The following ZCCHC7 variants were observed in gnomAD, a reference collection of about 807,000 sequenced individuals.
ZCCHC7 encodes the protein zinc finger CCHC domain-containing protein 7.
In ZCCHC7, 35 loss-of-function variants were observed where a neutral mutation model predicts 52.0. That is an observed-to-expected ratio of 0.67 (90% CI 0.51 to 0.89). ZCCHC7 has a LOEUF of 0.89. ZCCHC7 is among the 40% of genes least tolerant of loss of function. ZCCHC7 has a pLI of 0.00. For missense variants in ZCCHC7, 574 were observed against 649.1 expected (o/e 0.88, Z 1.26); for synonymous variants, 217 against 221.5 (o/e 0.98, Z 0.18).
intron 2 of ZCCHC7, among the ~76,000 whole-genome samples, chr9:37,208,234 A>T (rs1478336108): frequency 6.6e-6 from 1 of 152,112 alleles, no homozygotes; most frequent in African/African-American, 2.4e-5. Flanking sequence ...ACAGGCGTGC[A>T]CCACCACACG....
intron 2 of ZCCHC7, among the ~76,000 whole-genome samples, chr9:37,195,090 G>A (rs1823221681): frequency 6.6e-6 from 1 of 151,630 alleles, no homozygotes; most frequent in Non-Finnish European, 1.5e-5. Flanking sequence ...AGGATTACAG[G>A]CGTGCACCAC....
chr9:37,292,059 T>A (rs1450723666), intron 2 of ZCCHC7, among the ~76,000 whole-genome samples: 1 of 152,220 alleles, frequency 6.6e-6, no homozygotes, highest in Middle Eastern at 3.2e-3. Flanking sequence ...TTTAAACAGA[T>A]GTAATCTAGG....
chr9:37,323,586 G>A (rs1830132122), intron 5 of ZCCHC7, among the ~76,000 whole-genome samples: 1 of 152,116 alleles, frequency 6.6e-6, no homozygotes, highest in Admixed American at 6.6e-5. Flanking sequence ...TATGTTTGTA[G>A]CTCCTCTTTA....
chr9:37,287,607 G>A (rs13291573), intron 2 of ZCCHC7, among the ~76,000 whole-genome samples: 50,304 of 151,926 alleles, frequency 0.33, 8,686 homozygotes, highest in Middle Eastern at 0.41. Context: ...TATCTGAAAA[G>A]GAAGTACACA....
chr9:37,235,256 C>T (rs1442987512), intron 2 of ZCCHC7, among the ~76,000 whole-genome samples: 3 of 152,116 alleles, frequency 2.0e-5, no homozygotes, highest in African/African-American at 7.2e-5. Context: ...AACCTCTCTC[C>T]ATCCAGTCTT....
chr9:37,212,331 A>G (rs1048126849), intron 2 of ZCCHC7, among the ~76,000 whole-genome samples: 3 of 152,164 alleles, frequency 2.0e-5, no homozygotes, highest in African/African-American at 7.2e-5. Context: ...TTTTACTTAG[A>G]AATATTTTAA....
chr9:37,268,019 CCT>C lies in ZCCHC7; in HGVS notation c.611-34166_611-34165del, dbSNP rs2133482204. On this transcript the variant is annotated intron_variant, in intron 2 of 8. Coordinates refer to ENST00000336755, the MANE Select transcript of ZCCHC7 (RefSeq NM_032226.3). ...TGCATTTTCTTGAAGTTGAAGATTT[CCT>C]CTGTGATCACATCAACCCAAGATTC... Among the ~76,000 whole-genome samples, 2 of 152,206 alleles carry C rather than the reference CCT, an allele frequency of 1.3e-5. 1 individual carries two copies. Among genetic ancestry groups the C allele is most frequent in the African/African-American group, 4.8e-5 (2 of 41,518 alleles).
chr9:37,144,039 A>C (rs2132790081), intron 2 of ZCCHC7, among the ~76,000 whole-genome samples: 1 of 151,956 alleles, frequency 6.6e-6, no homozygotes, highest in African/African-American at 2.4e-5. Flanking sequence ...TAGACTTTTT[A>C]ATTTTAAATG....
At chr9:37,170,871 CTGTT>C (rs1821690792) in intron 2 of ZCCHC7, among the ~76,000 whole-genome samples, 1 of 152,110 alleles carries the variant, frequency 6.6e-6, no homozygotes, top group Non-Finnish European at 1.5e-5. Flanking sequence ...CTTCCAATGA[CTGTT>C]TGAGGCCTTA....
chr9:37,355,137 T>A, intron 8 of ZCCHC7, among the ~76,000 whole-genome samples: 1 of 152,162 alleles, frequency 6.6e-6, no homozygotes, highest in East Asian at 1.9e-4. Flanking sequence ...TGACAGGTAA[T>A]TATTTTTTTT....
chr9:37,302,582 G>A (rs117518193), intron 3 of ZCCHC7, among the ~76,000 whole-genome samples: 2,759 of 152,256 alleles, frequency 0.018, 22 homozygotes, highest in Non-Finnish European at 0.028. Flanking sequence ...TGTCTTTGTC[G>A]ATTATTAGCC....
chr9:37,163,792 T>C (rs761071215), intron 2 of ZCCHC7, among the ~76,000 whole-genome samples: 108 of 152,248 alleles, frequency 7.1e-4, no homozygotes, highest in Non-Finnish European at 1.4e-3. Context: ...TGTTCTCTTA[T>C]AGAAATCTTA....
intron 6 of ZCCHC7, among the ~76,000 whole-genome samples, chr9:37,334,852 C>T (rs1158344515): frequency 1.3e-5 from 2 of 152,028 alleles, no homozygotes; most frequent in Middle Eastern, 3.2e-3. Flanking sequence ...ATTAGAACTT[C>T]ACCTTAATTG....
intron 6 of ZCCHC7, among the ~76,000 whole-genome samples, chr9:37,339,610 T>G (rs1165847030): frequency 6.6e-6 from 1 of 152,220 alleles, no homozygotes; most frequent in Non-Finnish European, 1.5e-5. Context: ...TGTGATTTAG[T>G]CAGTAAGATT....
At chr9:37,199,776 G>A (rs1823525057) in intron 2 of ZCCHC7, among the ~76,000 whole-genome samples, 1 of 151,674 alleles carries the variant, frequency 6.6e-6, no homozygotes, top group African/African-American at 2.4e-5. Context: ...CGCGATCTCG[G>A]CTCACTGCAA....
chr9:37,196,066 C>CA, intron 2 of ZCCHC7, among the ~76,000 whole-genome samples: 1 of 151,922 alleles, frequency 6.6e-6, no homozygotes. Context: ...GAGGGTACTT[C>CA]AAAAAATAAG....
chr9:37,143,087 A>G (rs1329429232), intron 2 of ZCCHC7, among the ~76,000 whole-genome samples: 1 of 151,806 alleles, frequency 6.6e-6, no homozygotes, highest in Non-Finnish European at 1.5e-5. Flanking sequence ...AAAAAACTTC[A>G]CAGACAATTG....
At chr9:37,335,868 A>C (rs1357615616) in intron 6 of ZCCHC7, among the ~76,000 whole-genome samples, 2 of 152,200 alleles carry the variant, frequency 1.3e-5, no homozygotes, top group Non-Finnish European at 2.9e-5. Context: ...TAAAAATGCA[A>C]TATCACTTTG....
intron 5 of ZCCHC7, among the ~76,000 whole-genome samples, chr9:37,323,125 G>A (rs1284066358): frequency 6.6e-6 from 1 of 152,122 alleles, no homozygotes; most frequent in African/African-American, 2.4e-5. Flanking sequence ...GTAAATAGCT[G>A]GATTAGAATC....
Sources: gnomAD v4.1 joint callset for allele counts (sites outside exome capture counted in the v4.1 genomes callset) on GRCh38, gnomAD v4.1.1 for gene constraint, MANE v1.5 for transcripts, NCBI Gene and HGNC (gene_info 2026-07-23, HGNC 2026-07-21) for gene names.